The following VAMP7 variants were observed in gnomAD, a reference collection of about 807,000 sequenced individuals.
The protein encoded by VAMP7 is vesicle-associated membrane protein 7.
VAMP7 carries 14 observed loss-of-function variants against 29.6 expected under a neutral mutation model. That is an observed-to-expected ratio of 0.47 (90% confidence interval 0.31 to 0.74). The LOEUF (loss-of-function observed/expected upper bound fraction) is 0.74. VAMP7 is among the 30% of genes least tolerant of loss of function. The pLI is 0.05. For missense variants in VAMP7, 223 were observed against 262.4 expected, an observed-to-expected ratio of 0.85 and a Z score of 1.04; for synonymous variants, 95 against 88.1, an observed-to-expected ratio of 1.08 and a Z score of -0.44.
At position 155,942,041 on chromosome X, in the gene VAMP7, T is replaced by C. The variant is rs761888485; in HGVS notation, c.*90T>C. On this transcript the variant is annotated 3_prime_UTR_variant, in exon 8 of 8. Coordinates refer to ENST00000286448, the MANE Select transcript of VAMP7 (RefSeq NM_005638.6). Reference sequence around the variant, plus strand: ...CTCAAGCCTTTCACATACTGACAGATGGTATCTGCCAGTCTCTTCAACCCT... The same window carrying C: ...CTCAAGCCTTTCACATACTGACAGACGGTATCTGCCAGTCTCTTCAACCCT... The C allele has an allele frequency of 1.2e-6, 2 of 1,609,972 alleles. No homozygotes were observed. Among genetic ancestry groups the C allele is most frequent in the East Asian group, 2.2e-5 (1 of 44,750 alleles).
intron 1 of VAMP7, among the ~76,000 whole-genome samples, chrX:155,886,810 A>G (rs1162589134): frequency 6.6e-6 from 1 of 152,224 alleles, no homozygotes; most frequent in Non-Finnish European, 1.5e-5. Context: ...GAGATTATGT[A>G]AGCATTTTTA....
chrX:155,882,399 A>C (rs1569428911), intron 1 of VAMP7, among the ~76,000 whole-genome samples: 1 of 152,208 alleles, frequency 6.6e-6, no homozygotes, highest in Non-Finnish European at 1.5e-5. Flanking sequence ...TTGACTTGAA[A>C]GGATGGGATC....
At chrX:155,908,241 C>T (rs1195607307) in intron 5 of VAMP7, among the ~76,000 whole-genome samples, 4 of 152,110 alleles carry the variant, frequency 2.6e-5, no homozygotes, top group Non-Finnish European at 2.9e-5. Flanking sequence ...GAGCCGAGAT[C>T]GCGCCACTGC....
chrX:155,939,096 T>TA (rs1363439032), intron 6 of VAMP7, among the ~76,000 whole-genome samples: 1 of 214 alleles, frequency 4.7e-3, no homozygotes, highest in Non-Finnish European at 9.8e-3. Context: ...TGTGGGACCA[T>TA]ACCAGAGTGG....
At chrX:155,911,286 T>C (rs1022173406) in intron 5 of VAMP7, among the ~76,000 whole-genome samples, 10 of 152,162 alleles carry the variant, frequency 6.6e-5, no homozygotes, top group Non-Finnish European at 1.2e-4. Context: ...GTCTGGCTTT[T>C]CTATTCTATT....
At chrX:155,886,904 CA>C (rs58714015) in intron 1 of VAMP7, among the ~76,000 whole-genome samples, 152,302 of 152,302 alleles carry the variant, frequency 1, 76,151 homozygotes, top group Non-Finnish European at 1. Context: ...TTGCCAAGGT[CA>C]AGTTTCCTTC....
chrX:155,902,540 C>T (rs1476713062), intron 5 of VAMP7, among the ~76,000 whole-genome samples: 7 of 150,540 alleles, frequency 4.6e-5, no homozygotes, highest in Admixed American at 4.6e-4. Context: ...TGAGATACAT[C>T]CCATCAATAC....
rs2066763394 is a variant in VAMP7, at chrX:155,942,615, A to G, written c.*664A>G. On this transcript the variant is annotated 3_prime_UTR_variant, in exon 8 of 8. Transcript: ENST00000286448. Reference sequence around the variant, plus strand: ...GTGCTGATCATTCACAATACAGTGGATAGCTTGATATCTTCTGTTTTCCCA... The same window carrying G: ...GTGCTGATCATTCACAATACAGTGGGTAGCTTGATATCTTCTGTTTTCCCA... 1 of 158,204 alleles carries G rather than the reference A, an allele frequency of 6.3e-6. No homozygotes were observed. The highest frequency in any genetic ancestry group is 1.4e-5 in the Non-Finnish European group (1 of 71,614). 9.8% of individuals were successfully genotyped at this position (158,204 alleles called of 1,614,324 possible). A position where few individuals can be genotyped will look rare whatever the true frequency, so the allele number is the denominator to read the frequency against.
intron 1 of VAMP7, 133 bp from the exon 2 acceptor site, chrX:155,889,323 CTG>C: frequency 8.0e-7 from 1 of 1,257,776 alleles, no homozygotes; most frequent in Non-Finnish European, 1.1e-6. Flanking sequence ...GCTCTTAAGT[CTG>C]TTGTTAAGTT....
At chrX:155,894,323 T>TA (rs2065960667) in intron 2 of VAMP7, among the ~76,000 whole-genome samples, 1 of 148,994 alleles carries the variant, frequency 6.7e-6, no homozygotes, top group Non-Finnish European at 1.5e-5. Flanking sequence ...TTTTTTTTTT[T>TA]AATGTGTCCT....
chrX:155,897,005 A>G (rs1394559936), intron 3 of VAMP7, among the ~76,000 whole-genome samples: 4 of 151,956 alleles, frequency 2.6e-5, no homozygotes, highest in African/African-American at 9.7e-5. Context: ...GTAGTAATAT[A>G]TATGCTTCTT....
At chrX:155,936,754 A>T (rs779510944) in intron 6 of VAMP7, among the ~76,000 whole-genome samples, 2 of 152,316 alleles carry the variant, frequency 1.3e-5, no homozygotes, top group South Asian at 4.2e-4. Context: ...GAAATGCAGA[A>T]ATCATCCGTC....
intron 3 of VAMP7, 42 bp from the exon 4 acceptor site, chrX:155,898,069 TG>T (rs1569436196): frequency 6.3e-7 from 1 of 1,598,440 alleles, no homozygotes; most frequent in African/African-American, 1.4e-5. Flanking sequence ...ACATCATCTT[TG>T]TTTACTTTCT....
intron 5 of VAMP7, among the ~76,000 whole-genome samples, chrX:155,904,000 A>G (rs1323713391): frequency 2.0e-5 from 3 of 151,986 alleles, no homozygotes; most frequent in Non-Finnish European, 4.4e-5. Flanking sequence ...TGTGGCACAT[A>G]TACACCATGG....
At chrX:155,923,806 T>A (rs2066429679) in intron 6 of VAMP7, among the ~76,000 whole-genome samples, 1 of 152,136 alleles carries the variant, frequency 6.6e-6, no homozygotes, top group Admixed American at 6.5e-5. Context: ...TGTTCATTTT[T>A]AAGTCTTTTT....
intron 6 of VAMP7, among the ~76,000 whole-genome samples, chrX:155,922,309 T>TG (rs1363408943): frequency 6.6e-6 from 1 of 151,988 alleles, no homozygotes; most frequent in Admixed American, 6.6e-5. Context: ...GACCATCTTG[T>TG]GGGGAAAAAT....
intron 1 of VAMP7, among the ~76,000 whole-genome samples, chrX:155,885,532 G>A (rs753981616): frequency 3.3e-5 from 5 of 152,286 alleles, no homozygotes; most frequent in Admixed American, 1.3e-4. Context: ...GTCCTAACCC[G>A]TGGTACCTGT....
At chrX:155,922,496 A>G (rs1221592898) in intron 6 of VAMP7, among the ~76,000 whole-genome samples, 2 of 151,844 alleles carry the variant, frequency 1.3e-5, no homozygotes, top group African/African-American at 4.8e-5. Flanking sequence ...TTTCTCCTTT[A>G]TTCAGTTAGT....
At chrX:155,883,733 C>T (rs1334477390) in intron 1 of VAMP7, among the ~76,000 whole-genome samples, 6 of 126,348 alleles carry the variant, frequency 4.7e-5, no homozygotes, top group African/African-American at 1.8e-4. Context: ...TTTTTTGAGA[C>T]GGAGTCTCAC....
Sources: allele counts gnomAD v4.1 joint callset (sites outside exome capture counted in the v4.1 genomes callset), GRCh38; gene constraint gnomAD v4.1.1; transcripts MANE v1.5; gene names NCBI Gene and HGNC (gene_info 2026-07-23, HGNC 2026-07-21).